The following TRIM4 variants were observed in gnomAD, a reference collection of about 807,000 sequenced individuals.
The protein encoded by TRIM4 is tripartite motif containing 4, also known as E3 ubiquitin-protein ligase TRIM4.
Under a neutral mutation model 33.7 loss-of-function variants are expected in TRIM4, and 29 were observed. The ratio of observed to expected loss-of-function variants is 0.86; its 90% CI spans 0.64 to 1.17. TRIM4 has a LOEUF of 1.17. Among genes scored for constraint, TRIM4 ranks in the 50% most tolerant of loss-of-function variants. TRIM4 has a pLI of 0.00. For missense variants in TRIM4, 554 were observed against 593.7 expected, an observed-to-expected ratio of 0.93 and a Z score of 0.69; for synonymous variants, 224 against 233.0, an observed-to-expected ratio of 0.96 and a Z score of 0.35.
chr7:99,894,713 G>A (rs1174409615), intron 5 of TRIM4, among the ~76,000 whole-genome samples: 5 of 149,884 alleles, frequency 3.3e-5, no homozygotes, highest in African/African-American at 1.2e-4. Context: ...GAAACAAAAC[G>A]AAAGCCATTT....
Position 99,891,156 on chromosome 7 carries a change from C to A in TRIM4, c.*1007G>T, listed in dbSNP as rs1462722566. On this transcript the variant is annotated 3_prime_UTR_variant, in exon 6 of 6. Coordinates refer to ENST00000349062, the MANE Select transcript of TRIM4 (RefSeq NM_033091.3). Reference sequence around the variant, plus strand: ...ACACAGTATAAAAAAGTAACAAAATCAAAACCTGAAACAAAGATCAACATC... The same window carrying A: ...ACACAGTATAAAAAAGTAACAAAATAAAAACCTGAAACAAAGATCAACATC... The A allele has an allele frequency of 1.3e-5, 2 of 152,234 alleles. No individual in the cohort carries two copies. The highest frequency in any genetic ancestry group is 3.9e-4 in the East Asian group (2 of 5,186). 9.4% of individuals were successfully genotyped at this position (152,234 alleles called of 1,614,324 possible).
At chr7:99,907,423 T>G (rs904997987) in intron 3 of TRIM4, among the ~76,000 whole-genome samples, 2 of 152,262 alleles carry the variant, frequency 1.3e-5, no homozygotes, top group Non-Finnish European at 1.5e-5. Flanking sequence ...GTTTCATCTT[T>G]TTTAATCGTT....
In TRIM4 at chr7:99,903,592, T is replaced by G; in HGVS notation, c.727A>C (p.Lys243Gln). The G allele has an allele frequency of 6.2e-7, 1 of 1,614,206 alleles. No individual in the cohort carries two copies. The highest frequency in any genetic ancestry group is 8.5e-7 in the Non-Finnish European group (1 of 1,180,026). Reference protein sequence around the residue: ...APTLELLQNPKEVLTRSEIQD... With the variant: ...APTLELLQNPQEVLTRSEIQD... ...AGTGCATACCTGGTCAACACTTCTT[T>G]TGGATTCTGTGAAAAGAAGGAAGAC... Residue 243 changes from lysine (K) to glutamine (Q), a missense_variant, in exon 4 of 6, where the codon AAA becomes CAA. Around this residue, in one of 3 missense-constraint regions of TRIM4, gnomAD observed 290 missense variants for 335.8 expected, o/e 0.86. Transcript: ENST00000349062.
rs750116992 is a variant in TRIM4, at chr7:99,892,447, G to A, written c.1141C>T (p.Arg381Cys). The change falls in exon 6 of 6, where the codon CGT (arginine) becomes TGT (cysteine). Residue 381 changes from arginine (R) to cysteine (C), a missense_variant. This residue lies in a region of TRIM4 where 290 missense variants were observed against 335.8 expected (regional missense o/e 0.86). Coordinates refer to ENST00000349062, the MANE Select transcript of TRIM4 (RefSeq NM_033091.3). ...CCCACATCTGGGGACATTTTTGAAC[G>A]ATCAGTAATTCCCATGACGTCCTCC... ...CREDVMGITD[R>C]SKMSPDVGIW... The A allele has an allele frequency of 2.5e-5, 40 of 1,613,924 alleles. No homozygotes were observed. Among genetic ancestry groups the A allele is most frequent in the African/African-American group, 1.9e-4 (14 of 74,874 alleles).
At position 99,919,382 on chromosome 7, in the gene TRIM4, T is replaced by C. The variant is rs916842008; in HGVS notation, c.20A>G (p.Gln7Arg). The change falls in exon 1 of 6, where the codon CAG becomes CGG. Residue 7 changes from glutamine to arginine, a missense_variant. This residue lies in a region of TRIM4 where 233 missense variants were observed against 203.1 expected (regional missense o/e 1.15). Coordinates refer to ENST00000349062, the MANE Select transcript of TRIM4 (RefSeq NM_033091.3). ...GCAGATGGGGCAGGTCAACTCCTCC[T>C]GGATGTCCTCAGCTTCCATGCTGCT... is the stretch of plus-strand genomic sequence containing the variant. The part of the protein sequence containing the change: MEAEDI[Q>R]EELTCPICLD... 5.7e-6 allele frequency: 9 copies of C among 1,572,444 alleles called. No homozygotes were observed. In the East Asian group the frequency reaches 7.4e-5, roughly 13 times the overall value.
At chr7:99,900,435 T>C (rs934057634) in intron 5 of TRIM4, among the ~76,000 whole-genome samples, 1 of 152,216 alleles carries the variant, frequency 6.6e-6, no homozygotes, top group African/African-American at 2.4e-5. Flanking sequence ...ATCTGGGCAC[T>C]CTGTGGCCCA....
rs757770704 is a variant in TRIM4 at position 99,919,012 on chromosome 7, G to A, written c.390C>T (p.Tyr130=). The change falls in exon 1 of 6, where the codon TAC becomes TAT. Residue 130 remains tyrosine (Y), a synonymous_variant. Coordinates refer to ENST00000349062, the MANE Select transcript of TRIM4 (RefSeq NM_033091.3). ...MAPIDEAFES[Y]REKLLKSQRN... ...GTCACCGCGACGGCCAGCTCACCCGGTAGCTCTCGAAGGCCTCGTCGATGG... is the reference window on the plus strand; with the variant it reads ...GTCACCGCGACGGCCAGCTCACCCGATAGCTCTCGAAGGCCTCGTCGATGG... 1.9e-6 allele frequency: 3 copies of A among 1,589,868 alleles called. No individual in the cohort carries two copies. In the African/African-American group the frequency reaches 4.1e-5, roughly 22 times the overall value.
At chr7:99,903,707 A>G in intron 3 of TRIM4, 109 bp from the exon 4 acceptor site, 1 of 1,234,118 alleles carries the variant, frequency 8.1e-7, no homozygotes. Flanking sequence ...CATGTCACAT[A>G]TGATCTCCTG....
intron 5 of TRIM4, among the ~76,000 whole-genome samples, chr7:99,900,342 A>G (rs1819131930): frequency 6.6e-6 from 1 of 152,060 alleles, no homozygotes; most frequent in African/African-American, 2.4e-5. Context: ...TATGAAGGGC[A>G]GTCTACACAG....
At chr7:99,900,052 T>C (rs907705877) in intron 5 of TRIM4, among the ~76,000 whole-genome samples, 3 of 152,148 alleles carry the variant, frequency 2.0e-5, no homozygotes, top group Admixed American at 1.3e-4. Context: ...TCCCAAAGAA[T>C]TGGGATTACA....
chr7:99,910,273 A>G (rs1265756730), intron 1 of TRIM4, among the ~76,000 whole-genome samples: 1 of 152,172 alleles, frequency 6.6e-6, no homozygotes, highest in Non-Finnish European at 1.5e-5. Flanking sequence ...CCTTTTTTTG[A>G]TGGACAACTG....
At chr7:99,909,469 G>C in intron 2 of TRIM4, 96 bp downstream of exon 2, 1 of 1,023,946 alleles carries the variant, frequency 9.8e-7, no homozygotes. Context: ...TACGTGAACT[G>C]CAAAACCCCA....
chr7:99,899,332 A>C (rs1300100497), intron 5 of TRIM4, among the ~76,000 whole-genome samples: 3 of 152,162 alleles, frequency 2.0e-5, no homozygotes, highest in African/African-American at 7.2e-5. Context: ...AAAATGCTAT[A>C]TATAACCTGC....
chr7:99,902,116 T>C, intron 5 of TRIM4: 1 of 765,302 alleles, frequency 1.3e-6, no homozygotes. Flanking sequence ...GTCTGGTGCT[T>C]TGAAAACGGT....
Position 99,908,751 on chromosome 7 carries a change from AG to A in TRIM4, c.550del (p.Leu184TrpfsTer12), listed in dbSNP as rs1819367196. The A allele has an allele frequency of 6.2e-7, 1 of 1,614,056 alleles. No homozygotes were observed. Among genetic ancestry groups the A allele is most frequent in the African/African-American group, 1.3e-5 (1 of 74,920 alleles). ...AAGAAACAGGTCCTCTTCTTCAACC[AG>A]GAAGTTGTGCAGCTTTGAAAACTCC... The part of the protein sequence containing the change: ...STEFSKLHNF[L>X]VEEEDLFLQR... On this transcript the variant is annotated frameshift_variant, in exon 3 of 6. Coordinates refer to ENST00000349062, the MANE Select transcript of TRIM4 (RefSeq NM_033091.3). LOFTEE classifies it high-confidence loss of function.
Position 99,892,612 on chromosome 7 carries a change from T to C in TRIM4, c.976A>G (p.Arg326Gly). 6.2e-7 allele frequency: 1 copy of C among 1,614,192 alleles called. No individual in the cohort carries two copies. ...ACAAAAGCAGTCTTCTGAGGATTCCTCCATCCAGCAAAGTAGTTCCATGCT... is the reference window on the plus strand; with the variant it reads ...ACAAAAGCAGTCTTCTGAGGATTCCCCCATCCAGCAAAGTAGTTCCATGCT... ...SSAWNYFAGW[R>G]NPQKTAFVER... Residue 326 changes from arginine (R) to glycine (G), a missense_variant, in exon 6 of 6, where the codon AGG becomes GGG. Physicochemically the swap from Arg to Gly is moderately radical, Grantham distance 125. Transcript: ENST00000349062.
At chr7:99,898,604 A>G (rs954678864) in intron 5 of TRIM4, among the ~76,000 whole-genome samples, 2 of 152,210 alleles carry the variant, frequency 1.3e-5, no homozygotes, top group Non-Finnish European at 2.9e-5. Context: ...GGGAGAGTAT[A>G]AAAGCCAGGC....
At chr7:99,895,938 T>C (rs932527390) in intron 5 of TRIM4, among the ~76,000 whole-genome samples, 14 of 152,108 alleles carry the variant, frequency 9.2e-5, no homozygotes, top group African/African-American at 3.4e-4. Context: ...CAGTAAAAAA[T>C]TGGGTCTTAT....
intron 5 of TRIM4, among the ~76,000 whole-genome samples, chr7:99,899,299 TC>T (rs1233682285): frequency 6.6e-6 from 1 of 152,142 alleles, no homozygotes; most frequent in Non-Finnish European, 1.5e-5. Context: ...AAATGGAAGG[TC>T]CCAGGTGGAG....
Sources: allele counts gnomAD v4.1 joint callset (sites outside exome capture counted in the v4.1 genomes callset), GRCh38; gene constraint gnomAD v4.1.1; regional missense constraint gnomAD v4.1.1; transcripts MANE v1.5; gene names NCBI Gene and HGNC (gene_info 2026-07-23, HGNC 2026-07-21).